Variants in RNF182 observed in about 807,000 individuals in gnomAD.
RNF182 encodes the protein ring finger protein 182.
A neutral mutation model predicts 14.4 loss-of-function variants in RNF182; 15 were observed. The observed-to-expected ratio is 1.04, with a 90% CI of 0.70 to 1.60. The LOEUF is 1.60. RNF182 is among the 40% of genes most tolerant of loss of function. The pLI is 0.00. For synonymous variants in RNF182, 128 were observed against 122.9 expected, an observed-to-expected ratio of 1.04 and a Z score of -0.27; for missense variants, 268 against 294.8, an observed-to-expected ratio of 0.91 and a Z score of 0.67.
At chr6:13,948,977 A>G (rs975972173) in intron 1 of RNF182, 10 of 377,144 alleles carry the variant, frequency 2.7e-5, no homozygotes, top group Non-Finnish European at 4.8e-5. Context: ...TATTAATGTC[A>G]AATCCAATTT....
At chr6:13,968,952 G>A (rs1192211892) in intron 1 of RNF182, among the ~76,000 whole-genome samples, 5 of 152,132 alleles carry the variant, frequency 3.3e-5, no homozygotes, top group Non-Finnish European at 7.4e-5. Flanking sequence ...GTACAGCATG[G>A]TAACTGTATT....
intron 1 of RNF182, among the ~76,000 whole-genome samples, chr6:13,968,980 A>G (rs954642237): frequency 6.6e-6 from 1 of 152,186 alleles, no homozygotes; most frequent in Non-Finnish European, 1.5e-5. Flanking sequence ...TTTGGGTTGT[A>G]AGTAACAGAA....
intron 1 of RNF182, among the ~76,000 whole-genome samples, chr6:13,956,742 C>T (rs910083105): frequency 6.6e-6 from 1 of 152,140 alleles, no homozygotes; most frequent in East Asian, 1.9e-4. Flanking sequence ...CTAATTATGA[C>T]CGTCTTCAAG....
At chr6:13,925,103 G>C (rs1447252301) in intron 1 of RNF182, 80 bp downstream of exon 1, 1 of 107,804 alleles carries the variant, frequency 9.3e-6, no homozygotes, top group African/African-American at 3.8e-5. Context: ...AGCCAGCCCC[G>C]CAGTCCTGGA....
rs1760372750 is a variant in RNF182, at chr6:13,977,676, T to C, written c.557T>C (p.Val186Ala). ...TTTCAGACATCCATCCGGGTGTTAGTGTGGTTGCTAGGTTTGCTCTACTTC... is the reference window on the plus strand; with the variant it reads ...TTTCAGACATCCATCCGGGTGTTAGCGTGGTTGCTAGGTTTGCTCTACTTC... ...LLFQTSIRVL[V>A]WLLGLLYFSS... is the part of the protein sequence containing the mutation. Residue 186 changes from valine to alanine, a missense_variant, in exon 3 of 3, where the codon GTG becomes GCG. By Grantham distance (64) the Val-to-Ala change is moderately conservative (BLOSUM62 0). Transcript: ENST00000488300. The C allele has an allele frequency of 6.2e-7, 1 of 1,614,144 alleles. No homozygotes were observed. Among genetic ancestry groups the C allele is most frequent in the Non-Finnish European group, 8.5e-7 (1 of 1,179,992 alleles).
intron 1 of RNF182, among the ~76,000 whole-genome samples, chr6:13,935,669 A>C (rs544348113): frequency 1.3e-5 from 2 of 152,316 alleles, no homozygotes; most frequent in South Asian, 4.1e-4. Flanking sequence ...AAATTGTTGA[A>C]ATTGTTATGA....
intron 1 of RNF182, among the ~76,000 whole-genome samples, chr6:13,933,807 C>T (rs958636315): frequency 2.6e-5 from 4 of 152,104 alleles, no homozygotes; most frequent in African/African-American, 7.2e-5. Flanking sequence ...CACCTGAGGT[C>T]GGTAGTTCGA....
chr6:13,971,791 G>A (rs1267110451), intron 1 of RNF182, among the ~76,000 whole-genome samples: 3 of 152,176 alleles, frequency 2.0e-5, no homozygotes, highest in Non-Finnish European at 4.4e-5. Context: ...TGGAATAAAG[G>A]TGACTCTTGC....
intron 1 of RNF182, among the ~76,000 whole-genome samples, chr6:13,936,000 A>G (rs1759099818): frequency 6.6e-6 from 1 of 152,254 alleles, no homozygotes; most frequent in Non-Finnish European, 1.5e-5. Flanking sequence ...CAATCATGGC[A>G]CAAGGCCAAG....
intron 1 of RNF182, among the ~76,000 whole-genome samples, chr6:13,942,889 T>TTG (rs1257564490): frequency 1.3e-5 from 2 of 152,220 alleles, no homozygotes; most frequent in African/African-American, 2.4e-5. Context: ...TTATTTTATT[T>TTG]TGTTAGGGCT....
intron 1 of RNF182, among the ~76,000 whole-genome samples, chr6:13,935,642 A>C (rs548408588): frequency 2.6e-3 from 403 of 152,322 alleles, no homozygotes; most frequent in Middle Eastern, 0.01. Context: ...ATTAGTTATA[A>C]CCACAGGATG....
At chr6:13,962,075 A>C (rs183261198) in intron 1 of RNF182, among the ~76,000 whole-genome samples, 1 of 152,204 alleles carries the variant, frequency 6.6e-6, no homozygotes, top group Admixed American at 6.5e-5. Context: ...ACAAAGTTCA[A>C]CTATTGTTAA....
chr6:13,958,189 C>T (rs1175014395), intron 1 of RNF182, among the ~76,000 whole-genome samples: 1 of 151,886 alleles, frequency 6.6e-6, no homozygotes, highest in Non-Finnish European at 1.5e-5. Flanking sequence ...AGATAGAGAC[C>T]ATCCTGTCCA....
chr6:13,937,056 G>C (rs1759128791), intron 1 of RNF182, among the ~76,000 whole-genome samples: 1 of 152,158 alleles, frequency 6.6e-6, no homozygotes, highest in African/African-American at 2.4e-5. Flanking sequence ...TTGAGTTTTA[G>C]AAAGTCTCTC....
At chr6:13,967,081 A>T (rs1365155688) in intron 1 of RNF182, among the ~76,000 whole-genome samples, 1 of 151,954 alleles carries the variant, frequency 6.6e-6, no homozygotes, top group Non-Finnish European at 1.5e-5. Context: ...CAAGTGATCC[A>T]CCTATCTTGG....
At chr6:13,938,579 T>G (rs1308851007) in intron 1 of RNF182, among the ~76,000 whole-genome samples, 1 of 152,222 alleles carries the variant, frequency 6.6e-6, no homozygotes, top group African/African-American at 2.4e-5. Flanking sequence ...ATTGTTTTAC[T>G]TTTCACATTT....
chr6:13,956,643 A>T (rs1759740174), intron 1 of RNF182, among the ~76,000 whole-genome samples: 1 of 151,324 alleles, frequency 6.6e-6, no homozygotes, highest in Non-Finnish European at 1.5e-5. Flanking sequence ...GCGTTAGACT[A>T]CTCTATAATG....
Position 13,976,933 on chromosome 6 carries a change from A to G in RNF182, c.-187A>G. 3.1e-6 allele frequency: 2 copies of G among 635,206 alleles called. No individual in the cohort carries two copies. Among genetic ancestry groups the G allele is most frequent in the Non-Finnish European group, 5.5e-6 (2 of 361,148 alleles). 39.3% of individuals were successfully genotyped at this position (635,206 alleles called of 1,614,324 possible). On this transcript the variant is annotated 5_prime_UTR_variant, in exon 3 of 3. It adds an upstream start codon to the 5' untranslated region. Transcript: ENST00000488300. ...GACCCTTCATGTGGCCTTTATAAAT[A>G]TGCGTTTGAGACAGAGTTATATGCA...
At chr6:13,969,238 G>A (rs1020882703) in intron 1 of RNF182, among the ~76,000 whole-genome samples, 3 of 151,888 alleles carry the variant, frequency 2.0e-5, no homozygotes, top group African/African-American at 7.3e-5. Context: ...ATCTTTTTCT[G>A]GTTCTGTATC....
Sources: gnomAD v4.1 joint callset for allele counts (sites outside exome capture counted in the v4.1 genomes callset) on GRCh38, gnomAD v4.1.1 for gene constraint, MANE v1.5 for transcripts, NCBI Gene and HGNC (gene_info 2026-07-23, HGNC 2026-07-21) for gene names.